Variants in LMO2 observed in about 807,000 individuals in gnomAD.
LMO2 encodes the protein LIM domain only 2.
In LMO2, 20 loss-of-function variants were observed where a neutral mutation model predicts 23.2. That is an observed-to-expected ratio of 0.86 (90% CI 0.61 to 1.25). The LOEUF is 1.25. Among genes scored for constraint, LMO2 ranks in the 50% most tolerant of loss-of-function variants. LMO2 has a pLI of 0.00. For synonymous variants in LMO2, 123 were observed against 130.2 expected, an observed-to-expected ratio of 0.94 and a Z score of 0.38; for missense variants, 270 against 315.3, an observed-to-expected ratio of 0.86 and a Z score of 1.09.
chr11:33,868,430 A>G (rs962220576), intron 4 of LMO2, among the ~76,000 whole-genome samples: 1 of 152,236 alleles, frequency 6.6e-6, no homozygotes, highest in African/African-American at 2.4e-5. Flanking sequence ...AGGAATAAAA[A>G]TTCTCAAAAC....
chr11:33,887,702 TTTTTGTTTTGTTC>T (rs1471924032), intron 1 of LMO2, among the ~76,000 whole-genome samples: 1 of 152,062 alleles, frequency 6.6e-6, no homozygotes, highest in Non-Finnish European at 1.5e-5. Context: ...GCTTGGCTAA[TTTTTGTTTTGTTC>T]TTTTGTTTTG....
At chr11:33,886,562 G>C (rs901444055) in intron 1 of LMO2, among the ~76,000 whole-genome samples, 1 of 152,142 alleles carries the variant, frequency 6.6e-6, no homozygotes, top group Non-Finnish European at 1.5e-5. Flanking sequence ...ATCAGGCATA[G>C]CCAGCTATAA....
intron 5 of LMO2, among the ~76,000 whole-genome samples, chr11:33,861,994 C>T (rs771158948): frequency 2.0e-5 from 3 of 152,136 alleles, no homozygotes; most frequent in Admixed American, 6.5e-5. Flanking sequence ...AAAAATAAGC[C>T]GGGACTTGAC....
chr11:33,884,417 G>A (rs1042076457), intron 1 of LMO2, among the ~76,000 whole-genome samples: 7 of 152,086 alleles, frequency 4.6e-5, no homozygotes, highest in Non-Finnish European at 7.4e-5. Flanking sequence ...GGTGAGGGGT[G>A]GGGTGCCCTG....
At position 33,880,696 on chromosome 11, in the gene LMO2, C is replaced by A; in HGVS notation, c.-272+1128G>T. 1 of 160,838 alleles carries A rather than the reference C, an allele frequency of 6.2e-6. No homozygotes were observed. The highest frequency in any genetic ancestry group is 6.0e-5 in the Admixed American group (1 of 16,718). 10.0% of individuals were successfully genotyped at this position (160,838 alleles called of 1,614,324 possible). On this transcript the variant is annotated intron_variant, in intron 2 of 5. Transcript: ENST00000257818. This position sits in a 1 kb window ranked among gnomAD's most constrained non-coding sequence, Gnocchi z 4.3. ...TGTACGTATTTAACCCCCACACGCC[C>A]CAAACAAATCTGACAAAAGTTAAAG...
In LMO2 at chr11:33,880,678, A is replaced by T. The variant is rs188453798; in HGVS notation, c.-272+1146T>A. On this transcript the variant is annotated intron_variant, in intron 2 of 5. Transcript: ENST00000257818. This position sits in a 1 kb window ranked among gnomAD's most constrained non-coding sequence, Gnocchi z 4.3. ...AAATGTTAAATTTTACGATGTACGT[A>T]TTTAACCCCCACACGCCCCAAACAA... The T allele has an allele frequency of 1.0e-3, 165 of 159,844 alleles. No homozygotes were observed. Among genetic ancestry groups the T allele is most frequent in the Non-Finnish European group, 1.8e-3 (133 of 72,638 alleles). 9.9% of individuals were successfully genotyped at this position (159,844 alleles called of 1,614,324 possible). A position where few individuals can be genotyped will look rare whatever the true frequency, so the allele number is the denominator to read the frequency against.
chr11:33,887,412 A>G (rs1457137694), intron 1 of LMO2, among the ~76,000 whole-genome samples: 1 of 152,178 alleles, frequency 6.6e-6, no homozygotes, highest in Non-Finnish European at 1.5e-5. Flanking sequence ...TAGGAGTGAC[A>G]TATTGCACCC....
chr11:33,891,553 C>A (rs1857554659), intron 1 of LMO2, among the ~76,000 whole-genome samples: 1 of 152,156 alleles, frequency 6.6e-6, no homozygotes. Context: ...GCTCACACAG[C>A]AAGCGCCTGA....
intron 2 of LMO2, among the ~76,000 whole-genome samples, chr11:33,876,132 TC>T (rs1857132926): frequency 6.6e-6 from 1 of 152,208 alleles, no homozygotes; most frequent in Non-Finnish European, 1.5e-5. Flanking sequence ...TGTACTTCAT[TC>T]AGGTCTCTGT....
chr11:33,870,366 G>A, intron 2 of LMO2: 1 of 985,468 alleles, frequency 1.0e-6, no homozygotes, highest in African/African-American at 1.7e-5. Flanking sequence ...TGTTCCCAGT[G>A]GATTTTCCGC....
At chr11:33,863,463 G>A (rs1246163975) in intron 5 of LMO2, among the ~76,000 whole-genome samples, 1 of 152,168 alleles carries the variant, frequency 6.6e-6, no homozygotes, top group African/African-American at 2.4e-5. Flanking sequence ...GGTTTGGGAG[G>A]AAAAGCTGGC....
intron 1 of LMO2, among the ~76,000 whole-genome samples, chr11:33,885,743 G>A (rs953048375): frequency 5.9e-5 from 9 of 152,216 alleles, no homozygotes; most frequent in African/African-American, 2.4e-5. Flanking sequence ...TCCCCCAAGG[G>A]AAGCTGTTTG....
At chr11:33,860,849 C>T (rs1284298605) in intron 5 of LMO2, among the ~76,000 whole-genome samples, 1 of 152,182 alleles carries the variant, frequency 6.6e-6, no homozygotes, top group African/African-American at 2.4e-5. Context: ...CTGAGACACC[C>T]TGGGGAGAAG....
intron 1 of LMO2, among the ~76,000 whole-genome samples, chr11:33,882,810 C>G (rs1857317459): frequency 6.6e-6 from 1 of 152,184 alleles, no homozygotes; most frequent in Non-Finnish European, 1.5e-5. Flanking sequence ...ATTTCAATAA[C>G]TTTCCCAGGG....
At chr11:33,885,880 CT>C (rs35659559) in intron 1 of LMO2, among the ~76,000 whole-genome samples, 50,500 of 147,244 alleles carry the variant, frequency 0.34, 9,764 homozygotes, top group Non-Finnish European at 0.45. Context: ...GCTGGTACAC[CT>C]TTTTTTTTTT....
intron 2 of LMO2, among the ~76,000 whole-genome samples, chr11:33,875,341 G>A (rs1479275479): frequency 6.6e-6 from 1 of 152,172 alleles, no homozygotes; most frequent in African/African-American, 2.4e-5. Flanking sequence ...ACTTTCGGAG[G>A]CTGAGGTGGG....
chr11:33,864,820 G>A lies in LMO2; in HGVS notation c.249-3C>T, dbSNP rs1443089257. ...GCAGCACCTCATCCACTGGTTCCCT[G>A]GAGAGAAGGCCAAGCATCAGGGACA... On this transcript the variant is annotated splice_region_variant and splice_polypyrimidine_tract_variant and intron_variant, in intron 4 of 5. Coordinates refer to ENST00000257818, the MANE Select transcript of LMO2 (RefSeq NM_005574.4). The surrounding 1 kb of genome is among the most constrained non-coding windows in gnomAD (Gnocchi z 4.8). 6.2e-7 allele frequency: 1 copy of A among 1,613,032 alleles called. No homozygotes were observed. The highest frequency in any genetic ancestry group is 8.5e-7 in the Non-Finnish European group (1 of 1,179,848).
chr11:33,879,016 T>G (rs10836124), intron 2 of LMO2, among the ~76,000 whole-genome samples: 26,729 of 152,198 alleles, frequency 0.18, 2,572 homozygotes, highest in South Asian at 0.32. Context: ...GTGTCTTTGC[T>G]TTGGTGAGGA....
At position 33,859,401 on chromosome 11, in the gene LMO2, G is replaced by A. The variant is rs540368963; in HGVS notation, c.639C>T (p.Cys213=). Residue 213 remains cysteine (C), a synonymous_variant, in exon 6 of 6, where the codon TGC becomes TGT. Transcript: ENST00000257818. ...TAGTCCACTCGTAGATGTCCTGTTC[G>A]CACACTATGTCAGAGTTGATGAGGA... ...RYLLINSDIV[C]EQDIYEWTKI... 1.4e-5 allele frequency: 23 copies of A among 1,613,982 alleles called. No homozygotes were observed. Among genetic ancestry groups the A allele is most frequent in the African/African-American group, 1.3e-4 (10 of 74,978 alleles).
Sources: gnomAD v4.1 joint callset for allele counts (sites outside exome capture counted in the v4.1 genomes callset) on GRCh38, gnomAD v4.1.1 for gene constraint, Gnocchi (gnomAD v3.1) non-coding constraint, MANE v1.5 for transcripts, NCBI Gene and HGNC (gene_info 2026-07-23, HGNC 2026-07-21) for gene names.